The following MYO1B variants were observed in gnomAD, a reference collection of about 807,000 sequenced individuals.
MYO1B encodes myosin IB.
A neutral mutation model predicts 159.7 loss-of-function variants in MYO1B; 72 were observed. That is an observed-to-expected ratio of 0.45 (90% CI 0.37 to 0.55). MYO1B has a LOEUF of 0.55. Among genes scored for constraint, MYO1B ranks in the 20% least tolerant of loss-of-function variants. MYO1B has a pLI of 0.00. For missense variants in MYO1B, 1,062 were observed against 1,364.8 expected (o/e 0.78, Z 3.50); for synonymous variants, 468 against 473.8 (o/e 0.99, Z 0.16).
intron 13 of MYO1B, among the ~76,000 whole-genome samples, chr2:191,378,141 A>C (rs1188876201): frequency 6.6e-6 from 1 of 152,048 alleles, no homozygotes; most frequent in East Asian, 1.9e-4. Context: ...ACGGTACTAC[A>C]CAGGGATGTG....
At chr2:191,300,863 A>G (rs1280976132) in intron 3 of MYO1B, among the ~76,000 whole-genome samples, 1 of 151,960 alleles carries the variant, frequency 6.6e-6, no homozygotes, top group African/African-American at 2.4e-5. Flanking sequence ...GGTGTCTACA[A>G]TTTATCTTTC....
intron 30 of MYO1B, among the ~76,000 whole-genome samples, chr2:191,416,894 A>G (rs1418175294): frequency 1.3e-5 from 2 of 152,048 alleles, no homozygotes; most frequent in Non-Finnish European, 2.9e-5. Context: ...TGCTTCTTCA[A>G]TTTCTCATTA....
At chr2:191,336,383 C>T (rs1165093902) in intron 4 of MYO1B, among the ~76,000 whole-genome samples, 1 of 152,052 alleles carries the variant, frequency 6.6e-6, no homozygotes, top group Non-Finnish European at 1.5e-5. Context: ...TTGAAAATAC[C>T]CACACTGAAG....
intron 1 of MYO1B, among the ~76,000 whole-genome samples, chr2:191,261,070 G>C (rs1686781338): frequency 6.6e-6 from 1 of 152,138 alleles, no homozygotes; most frequent in South Asian, 2.1e-4. Context: ...CTGTAAAGTG[G>C]ATCAGCCGAT....
chr2:191,300,067 T>A (rs1689216424), intron 3 of MYO1B, among the ~76,000 whole-genome samples: 1 of 152,196 alleles, frequency 6.6e-6, no homozygotes, highest in South Asian at 2.1e-4. Flanking sequence ...TTTTCCTGCA[T>A]TTTTCTTTGC....
intron 4 of MYO1B, among the ~76,000 whole-genome samples, chr2:191,338,722 C>T (rs554601796): frequency 7.2e-5 from 11 of 152,210 alleles, no homozygotes; most frequent in African/African-American, 2.6e-4. Context: ...TCAATGTAGC[C>T]GTGAATCTGA....
At chr2:191,304,288 C>A (rs1285527985) in intron 3 of MYO1B, among the ~76,000 whole-genome samples, 1 of 152,190 alleles carries the variant, frequency 6.6e-6, no homozygotes, top group Non-Finnish European at 1.5e-5. Context: ...CAGCTTCTTT[C>A]AGCCGGGCAC....
chr2:191,303,232 G>A (rs1689445363), intron 3 of MYO1B, among the ~76,000 whole-genome samples: 1 of 152,006 alleles, frequency 6.6e-6, no homozygotes, highest in African/African-American at 2.4e-5. Context: ...TTAAAGCTGT[G>A]TTTGAGAGCT....
At chr2:191,338,192 T>C (rs12993260) in intron 4 of MYO1B, among the ~76,000 whole-genome samples, 69,859 of 151,590 alleles carry the variant, frequency 0.46, 19,289 homozygotes, top group East Asian at 0.65. Flanking sequence ...ATTTTTTTTT[T>C]TGGAGAAAAT....
chr2:191,302,387 A>G (rs1463412414), intron 3 of MYO1B, among the ~76,000 whole-genome samples: 1 of 152,202 alleles, frequency 6.6e-6, no homozygotes, highest in Admixed American at 6.5e-5. Context: ...ATTTTTCATT[A>G]CATTTTACCT....
intron 4 of MYO1B, among the ~76,000 whole-genome samples, chr2:191,340,697 C>T (rs1255944570): frequency 4.0e-5 from 6 of 151,102 alleles, no homozygotes; most frequent in African/African-American, 1.5e-4. Context: ...TGAATTTGGT[C>T]TAATTATGAG....
chr2:191,345,852 A>G (rs1338821709), intron 5 of MYO1B, among the ~76,000 whole-genome samples: 1 of 152,250 alleles, frequency 6.6e-6, no homozygotes, highest in Non-Finnish European at 1.5e-5. Context: ...GCCTTTGATA[A>G]TAAGTAATCT....
At chr2:191,367,212 T>C (rs1694066669) in intron 11 of MYO1B, among the ~76,000 whole-genome samples, 1 of 152,154 alleles carries the variant, frequency 6.6e-6, no homozygotes, top group South Asian at 2.1e-4. Context: ...ATTCCTTCCC[T>C]TACTGCTTTA....
At chr2:191,339,582 A>G (rs1034801955) in intron 4 of MYO1B, among the ~76,000 whole-genome samples, 9 of 152,192 alleles carry the variant, frequency 5.9e-5, no homozygotes. Context: ...GCAGAAATCA[A>G]CCACACAGAT....
chr2:191,280,348 G>A (rs1687984378), intron 2 of MYO1B, among the ~76,000 whole-genome samples: 1 of 152,202 alleles, frequency 6.6e-6, no homozygotes, highest in Non-Finnish European at 1.5e-5. Flanking sequence ...AAGTCATTCT[G>A]CTTTCACAAT....
At chr2:191,260,900 T>C (rs1452667934) in intron 1 of MYO1B, among the ~76,000 whole-genome samples, 5 of 152,332 alleles carry the variant, frequency 3.3e-5, no homozygotes, top group South Asian at 4.1e-4. Flanking sequence ...AGAATAAATA[T>C]GGTAGTTGGA....
At chr2:191,345,478 A>C (rs913250024) in intron 5 of MYO1B, among the ~76,000 whole-genome samples, 7 of 152,220 alleles carry the variant, frequency 4.6e-5, no homozygotes, top group Non-Finnish European at 1.0e-4. Flanking sequence ...AAACAAGAGC[A>C]CTGTGTGTCT....
chr2:191,329,808 A>G (rs1175374767), intron 3 of MYO1B, 127 bp from the exon 4 acceptor site: 1 of 650,538 alleles, frequency 1.5e-6, no homozygotes, highest in Non-Finnish European at 2.6e-6. Flanking sequence ...TTCAAAGGAA[A>G]TAAAAGGTGA....
At chr2:191,365,227 T>A (rs1237231592) in intron 11 of MYO1B, among the ~76,000 whole-genome samples, 1 of 152,206 alleles carries the variant, frequency 6.6e-6, no homozygotes, top group Non-Finnish European at 1.5e-5. Flanking sequence ...AGAATTAAAT[T>A]ACTAACTTAG....
Sources: gnomAD v4.1 joint callset for allele counts (sites outside exome capture counted in the v4.1 genomes callset) on GRCh38, gnomAD v4.1.1 for gene constraint, MANE v1.5 for transcripts, NCBI Gene and HGNC (gene_info 2026-07-23, HGNC 2026-07-21) for gene names.